Variants in ZBTB40 observed in about 807,000 individuals in gnomAD.
The protein encoded by ZBTB40 is zinc finger and BTB domain containing 40.
In ZBTB40, 60 loss-of-function variants were observed where a neutral mutation model predicts 117.5. That is an observed-to-expected ratio of 0.51 (90% CI 0.41 to 0.63). The LOEUF is 0.63. Ranked by LOEUF, ZBTB40 falls within the 30% of genes least tolerant of loss-of-function variation. The pLI is 0.00. For synonymous variants in ZBTB40, 525 were observed against 577.1 expected, an observed-to-expected ratio of 0.91 and a Z score of 1.29; for missense variants, 1,287 against 1,498.5, an observed-to-expected ratio of 0.86 and a Z score of 2.33.
At chr1:22,458,119 G>T (rs1258354418) in intron 1 of ZBTB40, among the ~76,000 whole-genome samples, 2 of 152,200 alleles carry the variant, frequency 1.3e-5, no homozygotes, top group Non-Finnish European at 2.9e-5. Flanking sequence ...TCTTCCTTTG[G>T]TTAGAGTTGC....
At position 22,527,024 on chromosome 1, in the gene ZBTB40, G is replaced by A. The variant is rs185982440; in HGVS notation, c.*628G>A. The A allele has an allele frequency of 3.1e-5, 5 of 159,852 alleles. No individual in the cohort carries two copies. In the East Asian group the frequency reaches 9.0e-4, roughly 29 times the overall value. The allele number at this position is 159,852 out of a possible 1,614,324, so 9.9% of individuals were successfully genotyped here. A position where few individuals can be genotyped will look rare whatever the true frequency, so the allele number is the denominator to read the frequency against. On this transcript the variant is annotated 3_prime_UTR_variant, in exon 18 of 18. Coordinates refer to ENST00000375647, the MANE Select transcript of ZBTB40 (RefSeq NM_014870.4). ...ACAGGTAGCCCTCATTTCCATGCCT[G>A]ATAACCCCTTGTCAGTTGTCAGCTC... is the stretch of plus-strand genomic sequence containing the variant.
intron 3 of ZBTB40, among the ~76,000 whole-genome samples, chr1:22,498,635 C>T (rs1393468325): frequency 2.6e-5 from 4 of 152,204 alleles, no homozygotes; most frequent in Non-Finnish European, 5.9e-5. Flanking sequence ...CTGAGTAGTT[C>T]TGCAGAGAGG....
At chr1:22,450,314 A>G (rs924344343), upstream of ZBTB40, among the ~76,000 whole-genome samples, 1 of 152,236 alleles carries the variant, frequency 6.6e-6, no homozygotes, top group Non-Finnish European at 1.5e-5. Context: ...TTTGTTTGCT[A>G]AATCTAGCAA....
intron 3 of ZBTB40, among the ~76,000 whole-genome samples, chr1:22,497,269 AT>A (rs912537985): frequency 2.6e-5 from 4 of 152,152 alleles, no homozygotes; most frequent in African/African-American, 9.6e-5. Context: ...ACCTAGTAGC[AT>A]TTTTTTCTCC....
At chr1:22,492,325 T>C (rs1296853858) in intron 3 of ZBTB40, among the ~76,000 whole-genome samples, 5 of 152,240 alleles carry the variant, frequency 3.3e-5, no homozygotes, top group Non-Finnish European at 7.3e-5. Flanking sequence ...GCTATCATGC[T>C]TTCTTAGCTG....
chr1:22,477,267 G>A (rs891088352), intron 1 of ZBTB40, among the ~76,000 whole-genome samples: 1 of 152,108 alleles, frequency 6.6e-6, no homozygotes, highest in African/African-American at 2.4e-5. Flanking sequence ...GTTTAATGAG[G>A]ATGATTTCAT....
intron 1 of ZBTB40, among the ~76,000 whole-genome samples, chr1:22,479,370 C>A (rs1321251723): frequency 6.6e-6 from 1 of 152,084 alleles, no homozygotes; most frequent in East Asian, 1.9e-4. Flanking sequence ...TATAGTAATT[C>A]TTTCAGTGAC....
intron 9 of ZBTB40, among the ~76,000 whole-genome samples, chr1:22,509,667 C>T (rs1230353360): frequency 1.3e-5 from 2 of 152,198 alleles, no homozygotes; most frequent in Non-Finnish European, 2.9e-5. Flanking sequence ...TATCTGTACC[C>T]CTTGCTAGGC....
At chr1:22,429,969 C>T (rs1640556742) in intron 1 of ZBTB40, among the ~76,000 whole-genome samples, 1 of 152,132 alleles carries the variant, frequency 6.6e-6, no homozygotes, top group Non-Finnish European at 1.5e-5. Context: ...TGCACTCCAG[C>T]CTGGGCAACA....
intron 1 of ZBTB40, among the ~76,000 whole-genome samples, chr1:22,476,663 G>A (rs1217710015): frequency 2.0e-5 from 3 of 152,156 alleles, no homozygotes; most frequent in African/African-American, 7.2e-5. Context: ...TGCGGCACTT[G>A]GTTCAGCCAA....
At chr1:22,500,657 A>G (rs1638905276) in intron 3 of ZBTB40, among the ~76,000 whole-genome samples, 1 of 152,230 alleles carries the variant, frequency 6.6e-6, no homozygotes, top group Non-Finnish European at 1.5e-5. Flanking sequence ...CCGAAAGGTC[A>G]AGTGGCACAA....
At chr1:22,435,923 C>G (rs1192710032) in intron 1 of ZBTB40, among the ~76,000 whole-genome samples, 2 of 148,724 alleles carry the variant, frequency 1.3e-5, no homozygotes, top group African/African-American at 4.9e-5. Flanking sequence ...AAAAAAAATA[C>G]AAAATTAGCC....
rs374088765 is a variant in ZBTB40, at chr1:22,493,678, G to A, written c.831+2145G>A. Among the ~76,000 whole-genome samples the A allele has an allele frequency of 1.4e-3, 208 of 152,110 alleles. 6 individuals carry two copies. The South Asian group carries it at 0.022, about 16-fold the overall frequency. On this transcript the variant is annotated intron_variant, in intron 3 of 17. Transcript: ENST00000375647. ...CCATGCCCTGGGTAACCACTGGTCT[G>A]CTTTCGGTCACTGTACGTAAGTTTG...
chr1:22,524,148 C>A, intron 16 of ZBTB40, 70 bp from the exon 17 acceptor site: 1 of 1,431,014 alleles, frequency 7.0e-7, no homozygotes, highest in Non-Finnish European at 9.8e-7. Flanking sequence ...TGTCTTCCTG[C>A]CCTCATTTCT....
upstream of ZBTB40, among the ~76,000 whole-genome samples, chr1:22,448,811 T>G (rs915326166): frequency 1.6e-5 from 2 of 126,454 alleles, no homozygotes; most frequent in African/African-American, 5.1e-5. Flanking sequence ...TTTCTTTTTT[T>G]CTTTTTAAAT....
At position 22,501,686 on chromosome 1, in the gene ZBTB40, T is replaced by C; in HGVS notation, c.1024+2T>C. On this transcript the variant is annotated splice_donor_variant, in intron 4 of 17. Transcript: ENST00000375647. LOFTEE classifies it high-confidence loss of function. ...ATGTAGACACAGTGCAGCCAAAAGGTAGGAGAAGATCCTATGCATTGGAAT... is the reference window on the plus strand; with the variant it reads ...ATGTAGACACAGTGCAGCCAAAAGGCAGGAGAAGATCCTATGCATTGGAAT... 6.2e-7 allele frequency: 1 copy of C among 1,613,274 alleles called. No individual in the cohort carries two copies. The highest frequency in any genetic ancestry group is 8.5e-7 in the Non-Finnish European group (1 of 1,179,858).
chr1:22,507,193 G>A (rs1394433561), intron 6 of ZBTB40, among the ~76,000 whole-genome samples: 2 of 152,198 alleles, frequency 1.3e-5, no homozygotes, highest in African/African-American at 4.8e-5. Context: ...CCCTGAGCAA[G>A]TGACTTAATC....
intron 1 of ZBTB40, among the ~76,000 whole-genome samples, chr1:22,436,356 A>C (rs1640670596): frequency 6.6e-6 from 1 of 151,372 alleles, no homozygotes; most frequent in Non-Finnish European, 1.5e-5. Context: ...CTAAAAATAC[A>C]AAAAAATTAG....
chr1:22,467,406 T>C (rs776613104), intron 1 of ZBTB40, among the ~76,000 whole-genome samples: 8 of 152,218 alleles, frequency 5.3e-5, no homozygotes, highest in Non-Finnish European at 1.2e-4. Flanking sequence ...TTTTACCAGA[T>C]TATACTTCCA....
Sources: gnomAD v4.1 joint callset for allele counts (sites outside exome capture counted in the v4.1 genomes callset) on GRCh38, gnomAD v4.1.1 for gene constraint, MANE v1.5 for transcripts, NCBI Gene and HGNC (gene_info 2026-07-23, HGNC 2026-07-21) for gene names.